Variants in WIPI1 observed in about 807,000 individuals in gnomAD.
WIPI1 encodes the protein WD repeat domain, phosphoinositide interacting 1, also known as WD repeat domain phosphoinositide-interacting protein 1.
A neutral mutation model predicts 55.3 loss-of-function variants in WIPI1; 45 were observed. That is an observed-to-expected ratio of 0.81 (90% CI 0.64 to 1.04). The LOEUF (loss-of-function observed/expected upper bound fraction) is 1.04, where lower values mean the gene tolerates loss of function less well. Among genes scored for constraint, WIPI1 ranks in the 50% least tolerant of loss-of-function variants. The pLI is 0.00. For synonymous variants in WIPI1, 195 were observed against 217.6 expected (o/e 0.90, Z 0.92); for missense variants, 445 against 559.0 (o/e 0.80, Z 2.06).
At chr17:68,428,714 C>A in intron 10 of WIPI1, 115 bp downstream of exon 10, 1 of 778,046 alleles carries the variant, frequency 1.3e-6, no homozygotes, top group Admixed American at 2.2e-5. Context: ...GCCACTGAGA[C>A]TGCCAGTGAA....
At chr17:68,457,121 G>C (rs1489649931) in intron 1 of WIPI1, among the ~76,000 whole-genome samples, 1 of 152,090 alleles carries the variant, frequency 6.6e-6, no homozygotes, top group East Asian at 1.9e-4. Flanking sequence ...GCCCAACCTT[G>C]TCGCTCTGGG....
intron 4 of WIPI1, among the ~76,000 whole-genome samples, chr17:68,437,346 G>A (rs2083860141): frequency 6.6e-6 from 1 of 152,092 alleles, no homozygotes; most frequent in Admixed American, 6.6e-5. Flanking sequence ...CCTGAGGTCA[G>A]GAGTTCGAGA....
chr17:68,450,309 G>T lies in WIPI1; in HGVS notation c.333+419C>A, dbSNP rs147407800. On this transcript the variant is annotated intron_variant, in intron 3 of 12. Coordinates refer to ENST00000262139, the MANE Select transcript of WIPI1 (RefSeq NM_017983.7). Reference sequence around the variant, plus strand: ...CAGGGAGCCCCCACTTCACTCTCAGGCATCTCCTGCTCAGTGGTATTGCCC... The same window carrying T: ...CAGGGAGCCCCCACTTCACTCTCAGTCATCTCCTGCTCAGTGGTATTGCCC... Among the ~76,000 whole-genome samples, 899 of 152,320 alleles carry T rather than the reference G, an allele frequency of 5.9e-3. 15 individuals are homozygous for T. The highest frequency in any genetic ancestry group is 0.02 in the African/African-American group (846 of 41,566).
At chr17:68,428,730 A>G (rs533185494) in intron 10 of WIPI1, 99 bp downstream of exon 10, 4 of 915,238 alleles carry the variant, frequency 4.4e-6, no homozygotes, top group East Asian at 5.2e-5. Context: ...GTGAAGAACA[A>G]ATCAATGCAA....
chr17:68,423,452 T>A lies in WIPI1; in HGVS notation c.1294-1632A>T, dbSNP rs1600234607. ...GCAGGCTGGAGGGCAGACTGAGAGG[T>A]TGGTGGCTGCCACGACACAGCCCTG... On this transcript the variant is annotated intron_variant, in intron 12 of 12. Transcript: ENST00000262139. The surrounding 1 kb of genome is among the most constrained non-coding windows in gnomAD (Gnocchi z 4.4). 1.3e-5 allele frequency among the ~76,000 whole-genome samples: 2 copies of A among 152,096 alleles called. No homozygotes were observed. Among genetic ancestry groups the A allele is most frequent in the South Asian group, 2.1e-4 (1 of 4,816 alleles).
chr17:68,422,973 C>T (rs1014143134), intron 12 of WIPI1, among the ~76,000 whole-genome samples: 1 of 152,248 alleles, frequency 6.6e-6, no homozygotes, highest in South Asian at 2.1e-4. Context: ...AGGAGGCAAG[C>T]GTGATCCTAC....
chr17:68,445,522 C>T (rs968660918), intron 3 of WIPI1, among the ~76,000 whole-genome samples: 1 of 152,172 alleles, frequency 6.6e-6, no homozygotes, highest in African/African-American at 2.4e-5. Flanking sequence ...ATTTGAACAC[C>T]CCAGTGCCCC....
chr17:68,444,662 T>C, intron 3 of WIPI1, 73 bp from the exon 4 acceptor site: 1 of 1,261,950 alleles, frequency 7.9e-7, no homozygotes, highest in South Asian at 1.3e-5. Context: ...AAATCATTCA[T>C]CTTTCATATG....
intron 12 of WIPI1, chr17:68,424,412 C>T (rs372601596): frequency 3.2e-5 from 17 of 533,416 alleles, no homozygotes; most frequent in African/African-American, 9.6e-5. Context: ...CACGGATCTG[C>T]GGGAGAAAGA....
intron 4 of WIPI1, among the ~76,000 whole-genome samples, chr17:68,443,464 T>C (rs2909207): frequency 0.79 from 120,021 of 152,158 alleles, 47,572 homozygotes; most frequent in African/African-American, 0.85. Context: ...GTGAAAGCAC[T>C]GAAATCAACA....
intron 4 of WIPI1, among the ~76,000 whole-genome samples, chr17:68,438,185 G>A (rs575271935): frequency 6.6e-6 from 1 of 152,146 alleles, no homozygotes; most frequent in South Asian, 2.1e-4. Context: ...CTTATCACTT[G>A]CCATGCATAG....
intron 7 of WIPI1, 115 bp from the exon 8 acceptor site, chr17:68,433,690 C>A: frequency 1.5e-6 from 1 of 681,992 alleles, no homozygotes; most frequent in East Asian, 3.2e-5. Flanking sequence ...CCTAGGTAGA[C>A]CCAGATCCCT....
At position 68,452,917 on chromosome 17, in the gene WIPI1, G is replaced by A. The variant is rs373834052; in HGVS notation, c.156C>T (p.His52=). ...LSSVEQLDQV[H]GSNEIPDVYI... ...TCTCTCACACACACTTACTGCTTCC[G>A]TGGACTTGATCCAGCTGCTCCACAG... The change falls in exon 2 of 13, where the codon CAC becomes CAT. Residue 52 remains histidine, a synonymous_variant. Transcript: ENST00000262139. The A allele has an allele frequency of 1.4e-5, 22 of 1,613,564 alleles. No individual in the cohort carries two copies. The highest frequency in any genetic ancestry group is 6.7e-5 in the East Asian group (3 of 44,890).
chr17:68,451,174 T>C (rs2084486822), intron 2 of WIPI1, among the ~76,000 whole-genome samples: 1 of 152,238 alleles, frequency 6.6e-6, no homozygotes, highest in Admixed American at 6.5e-5. Context: ...TCACGCCTAG[T>C]AATCCCAGCA....
chr17:68,428,494 A>C, intron 10 of WIPI1: 1 of 213,986 alleles, frequency 4.7e-6, no homozygotes, highest in Non-Finnish European at 9.5e-6. Flanking sequence ...CGGCCTCCCA[A>C]AGTGCCGGGA....
intron 12 of WIPI1, chr17:68,422,877 T>C (rs1277777688): frequency 6.6e-6 from 1 of 151,798 alleles, no homozygotes; most frequent in Non-Finnish European, 1.5e-5. Flanking sequence ...AAGCTTCTCA[T>C]CCTCCCGAAT....
rs777866434 is a variant in WIPI1 at position 68,427,086 on chromosome 17, G to A, written c.1192+49C>T. Reference sequence around the variant, plus strand: ...GAGGGAGCGTGCAGGGAGAAGGGGAGGGAGGTCACTGTTGGAGATGCTCCC... The same window carrying A: ...GAGGGAGCGTGCAGGGAGAAGGGGAAGGAGGTCACTGTTGGAGATGCTCCC... On this transcript the variant is annotated intron_variant, in intron 11 of 12. Coordinates refer to ENST00000262139, the MANE Select transcript of WIPI1 (RefSeq NM_017983.7). The A allele has an allele frequency of 4.7e-6, 7 of 1,479,050 alleles. No individual in the cohort carries two copies. The East Asian group carries it at 1.6e-4, about 33-fold the overall frequency. 91.6% of individuals were successfully genotyped at this position (1,479,050 alleles called of 1,614,324 possible). A position where few individuals can be genotyped will look rare whatever the true frequency, so the allele number is the denominator to read the frequency against.
intron 1 of WIPI1, among the ~76,000 whole-genome samples, chr17:68,455,233 C>T (rs1053383518): frequency 7.9e-5 from 12 of 151,724 alleles, no homozygotes; most frequent in Non-Finnish European, 1.5e-5. Context: ...TGTGGTGGTA[C>T]ACGTTTGTAA....
chr17:68,457,155 T>A (rs559192491), intron 1 of WIPI1, among the ~76,000 whole-genome samples, 187 bp downstream of exon 1: 10 of 147,622 alleles, frequency 6.8e-5, no homozygotes, highest in Non-Finnish European at 1.4e-4. Context: ...TGGGGTGGGG[T>A]GGGGGGTGCG....
Sources: allele counts gnomAD v4.1 joint callset (sites outside exome capture counted in the v4.1 genomes callset), GRCh38; gene constraint gnomAD v4.1.1; non-coding constraint Gnocchi (gnomAD v3.1); transcripts MANE v1.5; gene names NCBI Gene and HGNC (gene_info 2026-07-23, HGNC 2026-07-21).